Variants in PKD1L1 observed in about 807,000 individuals in gnomAD.
PKD1L1 encodes the protein polycystin 1 like 1, transient receptor potential channel interacting.
PKD1L1 carries 236 observed loss-of-function variants against 323.4 expected under a neutral mutation model. The ratio of observed to expected loss-of-function variants is 0.73; its 90% CI spans 0.66 to 0.81. The LOEUF (loss-of-function observed/expected upper bound fraction) is 0.81, where lower values mean the gene tolerates loss of function less well. Among genes scored for constraint, PKD1L1 ranks in the 40% least tolerant of loss-of-function variants. PKD1L1 has a pLI of 0.00. For missense variants in PKD1L1, 3,320 were observed against 3,508.0 expected, an observed-to-expected ratio of 0.95 and a Z score of 1.35; for synonymous variants, 1,344 against 1,335.0, an observed-to-expected ratio of 1.01 and a Z score of -0.15.
In PKD1L1 at chr7:47,833,204, C is replaced by T. The variant is rs780011239; in HGVS notation, c.6223G>A (p.Ala2075Thr). ...LSGSGRAQRK[A>T]ASDNGTACPA... ...CAAGCTGTGCCATTGTCACTTGCCG[C>T]CTTCCTTTGGGCCCTGCCACTCCCA... Residue 2075 changes from alanine (A) to threonine (T), a missense_variant, in exon 41 of 57, where the codon GCG (alanine) becomes ACG (threonine). Ala to Thr is a moderately conservative substitution (Grantham distance 58). Transcript: ENST00000289672. The T allele has an allele frequency of 6.2e-7, 1 of 1,612,952 alleles. No homozygotes were observed. The highest frequency in any genetic ancestry group is 1.7e-5 in the Admixed American group (1 of 59,962).
At chr7:47,959,774 C>A in the PKD1L1 span, among the ~76,000 whole-genome samples, 2 of 146,966 alleles carry the variant, frequency 1.4e-5, no homozygotes, top group Non-Finnish European at 1.5e-5. Context: ...CCCGGCCAGC[C>A]GCCCCGTCCG....
chr7:47,810,089 C>G (rs1784862131), intron 50 of PKD1L1, among the ~76,000 whole-genome samples: 1 of 152,198 alleles, frequency 6.6e-6, no homozygotes, highest in South Asian at 2.1e-4. Flanking sequence ...TGATTCATGC[C>G]TTTAATCACT....
chr7:47,940,074 A>T, intron 3 of PKD1L1, 119 bp downstream of exon 3: 1 of 1,347,520 alleles, frequency 7.4e-7, no homozygotes, highest in Non-Finnish European at 1.0e-6. Context: ...GCACAAACAC[A>T]CATGATAGGA....
chr7:47,786,500 C>A (rs1483765163), intron 56 of PKD1L1, among the ~76,000 whole-genome samples: 3 of 152,156 alleles, frequency 2.0e-5, no homozygotes, highest in Non-Finnish European at 4.4e-5. Flanking sequence ...GTTATAAAAA[C>A]CATCTCACCT....
Position 47,792,757 on chromosome 7 carries a change from A to C in PKD1L1, c.8396T>G (p.Leu2799Arg), listed in dbSNP as rs1274963078. 1 of 1,613,924 alleles carries C rather than the reference A, an allele frequency of 6.2e-7. No homozygotes were observed. Among genetic ancestry groups the C allele is most frequent in the African/African-American group, 1.3e-5 (1 of 74,924 alleles). ...GGACAAACCATTAATCTTCATCAGA[A>C]GTTCGTCTAACAGATTTGCAAATTC... ...LDEFANLLDE[L>R]LMKINGLSDS... Residue 2799 changes from leucine (L) to arginine (R), a missense_variant, in exon 56 of 57, where the codon CTT becomes CGT. Physicochemically the swap from Leu to Arg is moderately radical, Grantham distance 102. Coordinates refer to ENST00000289672, the MANE Select transcript of PKD1L1 (RefSeq NM_138295.5).
At chr7:47,797,159 C>T (rs1011595251) in intron 54 of PKD1L1, among the ~76,000 whole-genome samples, 2 of 152,200 alleles carry the variant, frequency 1.3e-5, no homozygotes, top group Non-Finnish European at 2.9e-5. Context: ...CCAGAGCCTC[C>T]CCTCCATGCT....
At chr7:47,850,121 C>G (rs945345837) in intron 31 of PKD1L1, among the ~76,000 whole-genome samples, 1 of 151,992 alleles carries the variant, frequency 6.6e-6, no homozygotes, top group African/African-American at 2.4e-5. Context: ...CACTAAGGAA[C>G]TTATTCATGT....
chr7:47,879,959 A>G (rs865821708), intron 21 of PKD1L1, among the ~76,000 whole-genome samples: 3 of 149,172 alleles, frequency 2.0e-5, no homozygotes, highest in East Asian at 3.9e-4. Context: ...AAAAAAAAAA[A>G]TTAAGCCCAC....
chr7:47,806,227 A>G (rs188176574), intron 52 of PKD1L1, among the ~76,000 whole-genome samples: 2 of 152,188 alleles, frequency 1.3e-5, no homozygotes, highest in Non-Finnish European at 2.9e-5. Context: ...GCATCAGGTG[A>G]AAAGAACATC....
chr7:47,815,492 G>A (rs1263509382), intron 46 of PKD1L1, 35 bp from the exon 47 acceptor site: 3 of 1,604,100 alleles, frequency 1.9e-6, no homozygotes, highest in Non-Finnish European at 2.6e-6. Flanking sequence ...AGTTGCTTCT[G>A]CATCAACAAG....
At chr7:47,834,708 C>T (rs1477161214) in intron 39 of PKD1L1, among the ~76,000 whole-genome samples, 1 of 152,038 alleles carries the variant, frequency 6.6e-6, no homozygotes, top group African/African-American at 2.4e-5. Flanking sequence ...TGACAAAGAC[C>T]TACTTTACTT....
At chr7:47,845,101 G>A in intron 32 of PKD1L1, 23 bp from the exon 33 acceptor site, 2 of 1,596,690 alleles carry the variant, frequency 1.3e-6, no homozygotes, top group Middle Eastern at 1.7e-4. Flanking sequence ...TGCGGATGAG[G>A]ATACAGAATG....
Position 47,932,356 on chromosome 7 carries a change from C to T in PKD1L1, c.399-300G>A, listed in dbSNP as rs556285489. Among the ~76,000 whole-genome samples, 15 of 152,322 alleles carry T rather than the reference C, an allele frequency of 9.8e-5. No individual in the cohort carries two copies. The South Asian group carries it at 2.5e-3, about 25-fold the overall frequency. ...GCTTCAGACAGTTCACCCAAAGGGG[C>T]GAGTCACATACAAAACATGCTCTGT... On this transcript the variant is annotated intron_variant, in intron 4 of 56. Coordinates refer to ENST00000289672, the MANE Select transcript of PKD1L1 (RefSeq NM_138295.5).
At chr7:47,822,806 A>G (rs373102092) in intron 45 of PKD1L1, among the ~76,000 whole-genome samples, 38 of 152,234 alleles carry the variant, frequency 2.5e-4, no homozygotes, top group African/African-American at 8.9e-4. Flanking sequence ...ACTTACATCC[A>G]TGTACTTCAT....
chr7:47,882,030 A>G lies in PKD1L1; in HGVS notation c.3321T>C (p.Pro1107=). The part of the protein sequence containing the change: ...SGPSLSAEES[P]GDGDNLVDPS... Reference sequence around the variant, plus strand: ...GGTCCACCAGGTTATCCCCATCTCCAGGGCTCTCCTCGGCACTCAAGCTAG... The same window carrying G: ...GGTCCACCAGGTTATCCCCATCTCCGGGGCTCTCCTCGGCACTCAAGCTAG... Residue 1107 remains proline (P), a synonymous_variant, in exon 20 of 57, where the codon CCT becomes CCC. Transcript: ENST00000289672. 2.5e-6 allele frequency: 4 copies of G among 1,614,056 alleles called. No individual in the cohort carries two copies. The highest frequency in any genetic ancestry group is 3.4e-6 in the Non-Finnish European group (4 of 1,180,002).
At chr7:47,897,860 T>G (rs1334461815) in intron 14 of PKD1L1, 128 bp downstream of exon 14, 1 of 706,222 alleles carries the variant, frequency 1.4e-6, no homozygotes. Context: ...CAGATTTTTT[T>G]TTTTTTAAAC....
intron 37 of PKD1L1, among the ~76,000 whole-genome samples, chr7:47,835,877 G>T (rs746679412): frequency 1.3e-5 from 2 of 152,134 alleles, no homozygotes; most frequent in Non-Finnish European, 1.5e-5. Flanking sequence ...AATCGTTTTG[G>T]ATTGAACAAA....
At chr7:47,921,331 T>C (rs145141197) in intron 7 of PKD1L1, among the ~76,000 whole-genome samples, 256 of 149,640 alleles carry the variant, frequency 1.7e-3, no homozygotes, top group African/African-American at 6.1e-3. Flanking sequence ...AAATCAAAAC[T>C]GCAATGCGAT....
At chr7:47,886,830 A>G (rs376699934) in intron 17 of PKD1L1, among the ~76,000 whole-genome samples, 27 of 152,284 alleles carry the variant, frequency 1.8e-4, no homozygotes, top group East Asian at 1.5e-3. Context: ...CCTTTATAGC[A>G]GTGCAAGAAG....
Sources: gnomAD v4.1 joint callset for allele counts (sites outside exome capture counted in the v4.1 genomes callset) on GRCh38, gnomAD v4.1.1 for gene constraint, MANE v1.5 for transcripts, NCBI Gene and HGNC (gene_info 2026-07-23, HGNC 2026-07-21) for gene names.